TRHDE: variants seen among roughly 807,000 people sequenced by gnomAD.
The protein encoded by TRHDE is thyrotropin-releasing hormone-degrading ectoenzyme.
Under a neutral mutation model 125.7 loss-of-function variants are expected in TRHDE, and 72 were observed. That is an observed-to-expected ratio of 0.57 (90% CI 0.47 to 0.70). The LOEUF is 0.70. TRHDE is among the 30% of genes least tolerant of loss of function. The probability of loss-of-function intolerance (pLI) is 0.00; values close to 1 mark genes in which losing one functional copy is unlikely to be tolerated. For missense variants in TRHDE, 1,110 were observed against 1,327.1 expected, an observed-to-expected ratio of 0.84 and a Z score of 2.54; for synonymous variants, 509 against 509.1, an observed-to-expected ratio of 1.00 and a Z score of 0.00.
intron 5 of TRHDE, among the ~76,000 whole-genome samples, chr12:72,492,894 A>G (rs991536310): frequency 3.3e-5 from 5 of 152,054 alleles, no homozygotes; most frequent in African/African-American, 1.2e-4. Context: ...ATTTTAACTC[A>G]TAACATTCTC....
At chr12:72,662,768 T>C (rs1466781385) in intron 18 of TRHDE, among the ~76,000 whole-genome samples, 1 of 152,008 alleles carries the variant, frequency 6.6e-6, no homozygotes, top group African/African-American at 2.4e-5. Context: ...TAATATCTAA[T>C]CATGAAACAT....
intron 2 of TRHDE, among the ~76,000 whole-genome samples, chr12:72,188,330 G>A (rs1014560583): frequency 2.0e-5 from 3 of 152,216 alleles, no homozygotes; most frequent in Admixed American, 2.0e-4. Context: ...CTGATTTTCA[G>A]TTCTTTTAAA....
chr12:72,642,285 AT>A (rs1052169137), intron 15 of TRHDE, among the ~76,000 whole-genome samples: 2 of 152,066 alleles, frequency 1.3e-5, no homozygotes, highest in African/African-American at 4.8e-5. Context: ...TACCTACTTA[AT>A]TTTTTCACTT....
At chr12:72,490,087 A>G (rs1296203502) in intron 5 of TRHDE, among the ~76,000 whole-genome samples, 6 of 151,876 alleles carry the variant, frequency 4.0e-5, no homozygotes, top group Non-Finnish European at 7.4e-5. Context: ...TGCCAGCCAT[A>G]TATCTGATAA....
At chr12:72,553,651 A>G in intron 7 of TRHDE, among the ~76,000 whole-genome samples, 1 of 152,024 alleles carries the variant, frequency 6.6e-6, no homozygotes, top group Non-Finnish European at 1.5e-5. Context: ...CTGTATTTGG[A>G]AGGAAGTCTT....
chr12:72,119,483 T>C (rs1875526009), intron 2 of TRHDE, among the ~76,000 whole-genome samples: 1 of 152,220 alleles, frequency 6.6e-6, no homozygotes, highest in South Asian at 2.1e-4. Context: ...GAATTATCCA[T>C]GTGCTGAGGA....
intron 2 of TRHDE, among the ~76,000 whole-genome samples, chr12:72,146,721 C>A (rs142744130): frequency 6.6e-6 from 1 of 152,176 alleles, no homozygotes; most frequent in Admixed American, 6.5e-5. Flanking sequence ...TCAGCTTTGC[C>A]GTCCGCAGAC....
intron 1 of TRHDE, among the ~76,000 whole-genome samples, chr12:72,286,159 C>G (rs906185280): frequency 5.3e-5 from 8 of 152,232 alleles, no homozygotes; most frequent in African/African-American, 1.9e-4. Context: ...AGCCAGAATT[C>G]AGACCAGAAT....
intron 3 of TRHDE, among the ~76,000 whole-genome samples, chr12:72,453,736 T>C (rs867907351): frequency 3.5e-4 from 53 of 152,304 alleles, no homozygotes; most frequent in African/African-American, 1.3e-3. Context: ...AGAGCCCTGT[T>C]GCCCTGGGCA....
At chr12:72,391,363 C>T (rs933903309) in intron 3 of TRHDE, among the ~76,000 whole-genome samples, 4 of 152,054 alleles carry the variant, frequency 2.6e-5, no homozygotes, top group East Asian at 1.9e-4. Flanking sequence ...ATATGGTAGT[C>T]GTAAATGAAG....
intron 6 of TRHDE, among the ~76,000 whole-genome samples, chr12:72,526,506 A>G (rs1052673606): frequency 7.9e-5 from 12 of 152,144 alleles, no homozygotes; most frequent in Non-Finnish European, 1.5e-4. Flanking sequence ...TTTGTTGATG[A>G]CAAGTCATAA....
intron 2 of TRHDE, among the ~76,000 whole-genome samples, chr12:72,267,313 A>G (rs1474364493): frequency 6.6e-6 from 1 of 152,126 alleles, no homozygotes; most frequent in African/African-American, 2.4e-5. Flanking sequence ...TTAACCTAGC[A>G]TGAGAACCCC....
chr12:72,662,996 G>C, intron 18 of TRHDE, 56 bp from the exon 19 acceptor site: 5 of 1,521,218 alleles, frequency 3.3e-6, no homozygotes, highest in Non-Finnish European at 4.5e-6. Flanking sequence ...ATGTTTGTTG[G>C]ACATGAGTTC....
chr12:72,360,268 A>G (rs942838372), intron 2 of TRHDE, among the ~76,000 whole-genome samples: 1 of 151,844 alleles, frequency 6.6e-6, no homozygotes, highest in Non-Finnish European at 1.5e-5. Context: ...AAAAAATTCT[A>G]TTTGATCAAG....
chr12:72,587,346 A>G (rs934747344), intron 12 of TRHDE, among the ~76,000 whole-genome samples: 2 of 152,102 alleles, frequency 1.3e-5, no homozygotes, highest in Non-Finnish European at 2.9e-5. Flanking sequence ...AATGCTTAGG[A>G]AAATTTTTGT....
intron 7 of TRHDE, among the ~76,000 whole-genome samples, chr12:72,550,039 G>C (rs940824860): frequency 6.6e-5 from 10 of 151,686 alleles, no homozygotes; most frequent in Non-Finnish European, 1.3e-4. Context: ...TATATTTATT[G>C]GTTATCTTTT....
At chr12:72,447,713 A>G (rs1728906143) in intron 3 of TRHDE, among the ~76,000 whole-genome samples, 1 of 152,100 alleles carries the variant, frequency 6.6e-6, no homozygotes, top group Non-Finnish European at 1.5e-5. Context: ...TGAATGTTAG[A>G]CATTATTTGG....
chr12:72,596,401 T>C (rs1256628253), intron 12 of TRHDE, among the ~76,000 whole-genome samples: 1 of 152,156 alleles, frequency 6.6e-6, no homozygotes, highest in Non-Finnish European at 1.5e-5. Flanking sequence ...GACTCCACTG[T>C]AACACTGTTT....
intron 2 of TRHDE, among the ~76,000 whole-genome samples, chr12:72,142,834 G>A (rs1235209149): frequency 3.3e-5 from 5 of 151,862 alleles, no homozygotes; most frequent in African/African-American, 4.8e-5. Flanking sequence ...GCTGCTGGGC[G>A]GCCAGACTCA....
Sources: gnomAD v4.1 joint callset for allele counts (sites outside exome capture counted in the v4.1 genomes callset) on GRCh38, gnomAD v4.1.1 for gene constraint, MANE v1.5 for transcripts, NCBI Gene and HGNC (gene_info 2026-07-23, HGNC 2026-07-21) for gene names.